The following ZNF92 variants were observed in gnomAD, a reference collection of about 807,000 sequenced individuals.
The protein encoded by ZNF92 is zinc finger protein 92.
ZNF92 carries 11 observed loss-of-function variants against 12.4 expected under a neutral mutation model. That is an observed-to-expected ratio of 0.89 (90% confidence interval 0.56 to 1.47). The LOEUF is 1.47. ZNF92 is among the 40% of genes most tolerant of loss of function. The probability of loss-of-function intolerance (pLI) is 0.00; values close to 1 mark genes in which losing one functional copy is unlikely to be tolerated. For missense variants in ZNF92, 622 were observed against 681.0 expected (o/e 0.91, Z 0.96); for synonymous variants, 206 against 228.6 (o/e 0.90, Z 0.89).
rs1308705418 is a variant in ZNF92 at position 65,400,717 on chromosome 7, TAC to T, written c.*844_*845del. 6.6e-6 allele frequency: 1 copy of T among 152,008 alleles called. No homozygotes were observed. Among genetic ancestry groups the T allele is most frequent in the Non-Finnish European group, 1.5e-5 (1 of 67,908 alleles). The allele number at this position is 152,008 out of a possible 1,614,324, so 9.4% of individuals were successfully genotyped here. On this transcript the variant is annotated 3_prime_UTR_variant, in exon 4 of 4. Coordinates refer to ENST00000328747, the MANE Select transcript of ZNF92 (RefSeq NM_152626.4). ...AGTATACTTTTTTCTTGAAAAAAAT[TAC>T]AGATTTTTTGAAAAGCAATTGATGT... is the stretch of plus-strand genomic sequence containing the variant.
chr7:65,377,805 TC>T (rs1793288391), intron 1 of ZNF92, among the ~76,000 whole-genome samples: 1 of 152,068 alleles, frequency 6.6e-6, no homozygotes, highest in Admixed American at 6.6e-5. Flanking sequence ...GACCTCATGA[TC>T]CACCCACCTC....
rs747489471 is a variant in ZNF92 at position 65,398,680 on chromosome 7, C to G, written c.566C>G (p.Thr189Ser). 7 of 1,611,204 alleles carry G rather than the reference C, an allele frequency of 4.3e-6. No homozygotes were observed. The East Asian group carries it at 1.6e-4, about 36-fold the overall frequency. The change falls in exon 4 of 4, where the codon ACT (threonine) becomes AGT (serine). Residue 189 changes from threonine (T) to serine (S), a missense_variant. By Grantham distance (58) the Thr-to-Ser change is moderately conservative. Coordinates refer to ENST00000328747, the MANE Select transcript of ZNF92 (RefSeq NM_152626.4). The part of the protein sequence containing the change: ...GKSFCMLSQL[T>S]QHKKIHTREY... ...TCATTTTGCATGCTTTCACAATTAA[C>G]TCAACATAAGAAAATTCATACTAGA...
Position 65,388,878 on chromosome 7 carries a change from A to G in ZNF92, c.203A>G (p.His68Arg). Residue 68 changes from histidine (H) to arginine (R), a missense_variant, in exon 3 of 4, where the codon CAT becomes CGT. Physicochemically the swap from His to Arg is conservative, Grantham distance 29 (BLOSUM62 0). Transcript: ENST00000328747. ...QGKEPWNLKRHEMVDKTPVMC... is the reference protein window; with the variant it reads ...QGKEPWNLKRREMVDKTPVMC... The stretch of plus-strand genomic sequence containing the variant: ...AAAGAGCCCTGGAATCTGAAGAGAC[A>G]TGAGATGGTAGACAAAACCCCAGGT... 1 of 1,582,716 alleles carries G rather than the reference A, an allele frequency of 6.3e-7. No individual in the cohort carries two copies. Among genetic ancestry groups the G allele is most frequent in the Non-Finnish European group, 8.6e-7 (1 of 1,161,402 alleles).
chr7:65,400,161 A>C lies in ZNF92; in HGVS notation c.*286A>C, dbSNP rs762312008. 3 of 237,134 alleles carry C rather than the reference A, an allele frequency of 1.3e-5. No individual in the cohort carries two copies. The highest frequency in any genetic ancestry group is 4.9e-5 in the Admixed American group (1 of 20,204). 14.7% of individuals were successfully genotyped at this position (237,134 alleles called of 1,614,324 possible). On this transcript the variant is annotated 3_prime_UTR_variant, in exon 4 of 4. Transcript: ENST00000328747. ...TGCTCACATGTAAAAACATCAGTTC[A>C]TACTTAATAAAATGCAATTACCGTC...
rs747644369 is a variant in ZNF92 at position 65,399,143 on chromosome 7, T to G, written c.1029T>G (p.Cys343Trp). Residue 343 changes from cysteine (C) to tryptophan (W), a missense_variant, in exon 4 of 4, where the codon TGT (cysteine) becomes TGG (tryptophan). Cys to Trp is a radical substitution (Grantham distance 215). Coordinates refer to ENST00000328747, the MANE Select transcript of ZNF92 (RefSeq NM_152626.4). ...IIHTGEKPYK[C>W]EECGKAFNQF... ...ATACTGGGGAAAAACCATACAAATG[T>G]GAAGAATGTGGCAAAGCCTTTAACC... 1 of 1,613,436 alleles carries G rather than the reference T, an allele frequency of 6.2e-7. No homozygotes were observed. Among genetic ancestry groups the G allele is most frequent in the East Asian group, 2.2e-5 (1 of 44,834 alleles).
chr7:65,373,964 A>G lies in ZNF92; in HGVS notation c.-34A>G, dbSNP rs1793161507. 3 of 1,614,048 alleles carry G rather than the reference A, an allele frequency of 1.9e-6. No homozygotes were observed. Among genetic ancestry groups the G allele is most frequent in the Non-Finnish European group, 2.5e-6 (3 of 1,179,948 alleles). On this transcript the variant is annotated 5_prime_UTR_variant, in exon 1 of 4. Transcript: ENST00000328747. ...TACCTGCAAGAACTTGGAGGTTCAC[A>G]GCTAAGACGCCAGGACCCCCTGGAA...
Position 65,399,898 on chromosome 7 carries a change from T to C in ZNF92, c.*23T>C. On this transcript the variant is annotated 3_prime_UTR_variant, in exon 4 of 4. Coordinates refer to ENST00000328747, the MANE Select transcript of ZNF92 (RefSeq NM_152626.4). ...TGAAAGATGTGACAATGATTTTCAC[T>C]ACACCTCAAACTTTTCTAAACATAA... 6.5e-7 allele frequency: 1 copy of C among 1,530,412 alleles called. No homozygotes were observed. Among genetic ancestry groups the C allele is most frequent in the Non-Finnish European group, 8.8e-7 (1 of 1,140,702 alleles). The allele number at this position is 1,530,412 out of a possible 1,614,324, so 94.8% of individuals were successfully genotyped here. A position where few individuals can be genotyped will look rare whatever the true frequency, so the allele number is the denominator to read the frequency against.
At chr7:65,383,326 C>T (rs1329753379) in intron 1 of ZNF92, among the ~76,000 whole-genome samples, 1 of 152,104 alleles carries the variant, frequency 6.6e-6, no homozygotes, top group African/African-American at 2.4e-5. Flanking sequence ...TTTGGTTGTA[C>T]TTTTGCTGTA....
At chr7:65,381,876 T>C (rs1327377395) in intron 1 of ZNF92, among the ~76,000 whole-genome samples, 1 of 152,082 alleles carries the variant, frequency 6.6e-6, no homozygotes, top group Non-Finnish European at 1.5e-5. Flanking sequence ...CTCTATTCTG[T>C]TGCATTGGTC....
chr7:65,392,257 A>G (rs1479188516), intron 3 of ZNF92, among the ~76,000 whole-genome samples: 2 of 152,036 alleles, frequency 1.3e-5, no homozygotes, highest in African/African-American at 4.8e-5. Flanking sequence ...AGTCATGGAA[A>G]TAGTCTTTCT....
chr7:65,395,590 T>G (rs1317979878), intron 3 of ZNF92, among the ~76,000 whole-genome samples: 1 of 152,170 alleles, frequency 6.6e-6, no homozygotes, highest in East Asian at 1.9e-4. Context: ...GGCAAATTCC[T>G]TATGAATGGC....
At chr7:65,395,985 A>G (rs966055685) in intron 3 of ZNF92, among the ~76,000 whole-genome samples, 2 of 152,038 alleles carry the variant, frequency 1.3e-5, no homozygotes, top group Non-Finnish European at 2.9e-5. Context: ...GATCATGGCA[A>G]TGAGCTGCAG....
chr7:65,373,929 G>T lies in ZNF92; in HGVS notation c.-69G>T. The T allele has an allele frequency of 6.2e-7, 1 of 1,610,310 alleles. No individual in the cohort carries two copies. The highest frequency in any genetic ancestry group is 8.5e-7 in the Non-Finnish European group (1 of 1,176,640). ...CCTGTGCTGATAAAGGCTCGCCGCTGTGACCCTGTTACCTGCAAGAACTTG... is the reference window on the plus strand; with the variant it reads ...CCTGTGCTGATAAAGGCTCGCCGCTTTGACCCTGTTACCTGCAAGAACTTG... On this transcript the variant is annotated 5_prime_UTR_variant, in exon 1 of 4. Transcript: ENST00000328747.
chr7:65,398,272 G>A lies in ZNF92; in HGVS notation c.227-69G>A, dbSNP rs1793895357. 3 of 1,293,016 alleles carry A rather than the reference G, an allele frequency of 2.3e-6. No individual in the cohort carries two copies. The East Asian group carries it at 7.5e-5, about 32-fold the overall frequency. The allele number at this position is 1,293,016 out of a possible 1,614,324, so 80.1% of individuals were successfully genotyped here. Reference sequence around the variant, plus strand: ...TGTTGTAGTTTGTACAATTTTATAGGTTAAATTTGTAAAGTATATTCATCT... The same window carrying A: ...TGTTGTAGTTTGTACAATTTTATAGATTAAATTTGTAAAGTATATTCATCT... On this transcript the variant is annotated intron_variant, in intron 3 of 3. Transcript: ENST00000328747.
At chr7:65,393,618 A>G (rs1264509353) in intron 3 of ZNF92, among the ~76,000 whole-genome samples, 1 of 152,144 alleles carries the variant, frequency 6.6e-6, no homozygotes, top group Non-Finnish European at 1.5e-5. Context: ...TTTTCACCAA[A>G]AAATAACATG....
intron 1 of ZNF92, among the ~76,000 whole-genome samples, chr7:65,382,516 A>G (rs916053504): frequency 6.6e-6 from 1 of 152,032 alleles, no homozygotes; most frequent in East Asian, 1.9e-4. Context: ...GCCTCTGCCT[A>G]TTTGGTATCT....
chr7:65,377,454 G>A (rs1793275357), intron 1 of ZNF92, among the ~76,000 whole-genome samples: 1 of 152,138 alleles, frequency 6.6e-6, no homozygotes, highest in African/African-American at 2.4e-5. Flanking sequence ...AAGATGGAAG[G>A]GGATTGGGAG....
At chr7:65,395,161 T>C (rs1402130403) in intron 3 of ZNF92, among the ~76,000 whole-genome samples, 1 of 152,146 alleles carries the variant, frequency 6.6e-6, no homozygotes, top group Admixed American at 6.5e-5. Context: ...GCTCAAGTGA[T>C]CCTTTTCCTC....
Position 65,398,713 on chromosome 7 carries a change from C to T in ZNF92, c.599C>T (p.Ser200Phe), listed in dbSNP as rs1793914048. Residue 200 changes from serine to phenylalanine, a missense_variant, in exon 4 of 4, where the codon TCT (serine) becomes TTT (phenylalanine). Coordinates refer to ENST00000328747, the MANE Select transcript of ZNF92 (RefSeq NM_152626.4). The part of the protein sequence containing the change: ...QHKKIHTREY[S>F]YKCEECGKAF... ...AAGAAAATTCATACTAGAGAGTATT[C>T]TTACAAATGTGAAGAATGTGGTAAA... is the stretch of plus-strand genomic sequence containing the variant. 23 of 1,612,066 alleles carry T rather than the reference C, an allele frequency of 1.4e-5. No individual in the cohort carries two copies. Among genetic ancestry groups the T allele is most frequent in the Non-Finnish European group, 1.8e-5 (21 of 1,179,342 alleles).
Sources: gnomAD v4.1 joint callset for allele counts (sites outside exome capture counted in the v4.1 genomes callset) on GRCh38, gnomAD v4.1.1 for gene constraint, MANE v1.5 for transcripts, NCBI Gene and HGNC (gene_info 2026-07-23, HGNC 2026-07-21) for gene names.